The following PPFIA2 variants were observed in gnomAD, a reference collection of about 807,000 sequenced individuals.
PPFIA2 encodes the protein PPFI scaffold protein A2.
PPFIA2 carries 46 observed loss-of-function variants against 175.5 expected under a neutral mutation model. The ratio of observed to expected loss-of-function variants is 0.26; its 90% confidence interval spans 0.21 to 0.34. The LOEUF (loss-of-function observed/expected upper bound fraction) is 0.34, where lower values mean the gene tolerates loss of function less well. Ranked by LOEUF, PPFIA2 falls within the 10% of genes least tolerant of loss-of-function variation. The probability of loss-of-function intolerance (pLI) is 1.00; values close to 1 mark genes in which losing one functional copy is unlikely to be tolerated. For missense variants in PPFIA2, 1,179 were observed against 1,506.1 expected, an observed-to-expected ratio of 0.78 and a Z score of 3.60; for synonymous variants, 568 against 511.4, an observed-to-expected ratio of 1.11 and a Z score of -1.49.
intron 4 of PPFIA2, among the ~76,000 whole-genome samples, chr12:81,531,202 T>C (rs931834715): frequency 3.3e-5 from 5 of 151,900 alleles, no homozygotes; most frequent in Non-Finnish European, 7.4e-5. Context: ...TTGGCATAAA[T>C]AGTACAAAAT....
chr12:81,577,454 A>G (rs2073750754), intron 4 of PPFIA2, among the ~76,000 whole-genome samples: 1 of 151,926 alleles, frequency 6.6e-6, no homozygotes, highest in African/African-American at 2.4e-5. Flanking sequence ...TTAAACCACC[A>G]TAATAGGAAA....
intron 3 of PPFIA2, among the ~76,000 whole-genome samples, chr12:81,693,773 A>G (rs528318185): frequency 6.6e-6 from 1 of 152,258 alleles, no homozygotes; most frequent in East Asian, 1.9e-4. Flanking sequence ...GGCTGTGACT[A>G]AAATGCTAAT....
intron 24 of PPFIA2, among the ~76,000 whole-genome samples, chr12:81,288,955 T>A (rs2044176208): frequency 1.3e-5 from 2 of 151,804 alleles, no homozygotes; most frequent in Admixed American, 6.6e-5. Context: ...ACTAAAAGAA[T>A]GCTATAAAAA....
At chr12:81,662,988 G>C (rs2069244725) in intron 4 of PPFIA2, among the ~76,000 whole-genome samples, 2 of 152,172 alleles carry the variant, frequency 1.3e-5, no homozygotes, top group Admixed American at 1.3e-4. Flanking sequence ...AAAGGCCTTT[G>C]ACAAAATTCA....
intron 31 of PPFIA2, among the ~76,000 whole-genome samples, chr12:81,262,831 G>A (rs142833164): frequency 1.6e-3 from 247 of 152,208 alleles, no homozygotes; most frequent in Non-Finnish European, 1.4e-3. Flanking sequence ...TATAAAACTC[G>A]CAGTATTTAA....
chr12:81,405,157 T>C (rs969586312), intron 8 of PPFIA2, among the ~76,000 whole-genome samples: 2 of 152,142 alleles, frequency 1.3e-5, no homozygotes, highest in Non-Finnish European at 2.9e-5. Context: ...CTAGTTTCCT[T>C]TGTGTGGGAC....
chr12:81,478,245 C>T (rs1389020897), intron 4 of PPFIA2, among the ~76,000 whole-genome samples: 1 of 152,086 alleles, frequency 6.6e-6, no homozygotes, highest in African/African-American at 2.4e-5. Flanking sequence ...TCTGTGGGAT[C>T]AGTACTGATA....
At chr12:81,536,591 A>T (rs1296334056) in intron 4 of PPFIA2, among the ~76,000 whole-genome samples, 1 of 150,432 alleles carries the variant, frequency 6.6e-6, no homozygotes, top group African/African-American at 2.4e-5. Context: ...CCAAAGGGAA[A>T]CCAAAAAAAG....
At chr12:81,701,036 A>C (rs1250550498) in intron 3 of PPFIA2, among the ~76,000 whole-genome samples, 4 of 152,192 alleles carry the variant, frequency 2.6e-5, no homozygotes, top group African/African-American at 9.7e-5. Context: ...ACTTTGAATA[A>C]GTAAAGGTAT....
chr12:81,749,183 T>C (rs1256352056), intron 3 of PPFIA2, among the ~76,000 whole-genome samples: 1 of 144,426 alleles, frequency 6.9e-6, no homozygotes, highest in Non-Finnish European at 1.6e-5. Flanking sequence ...ACCAATCGTT[T>C]CTCAAAAATA....
chr12:81,394,672 G>A (rs7964238), intron 8 of PPFIA2, among the ~76,000 whole-genome samples: 24,237 of 151,702 alleles, frequency 0.16, 2,676 homozygotes, highest in East Asian at 0.42. Flanking sequence ...GGGGCAAGGG[G>A]AGGGAGAGCA....
chr12:81,741,134 G>A (rs1423003599), intron 3 of PPFIA2, among the ~76,000 whole-genome samples: 1 of 152,052 alleles, frequency 6.6e-6, no homozygotes, highest in Non-Finnish European at 1.5e-5. Context: ...TATACATTCT[G>A]ACCTCAGTGC....
At chr12:81,530,781 G>A (rs1173253912) in intron 4 of PPFIA2, among the ~76,000 whole-genome samples, 1 of 151,456 alleles carries the variant, frequency 6.6e-6, no homozygotes, top group Non-Finnish European at 1.5e-5. Flanking sequence ...TATAATATAT[G>A]TGTTTAAAAA....
At chr12:81,652,169 A>G (rs561528837) in intron 4 of PPFIA2, among the ~76,000 whole-genome samples, 4 of 150,404 alleles carry the variant, frequency 2.7e-5, no homozygotes, top group African/African-American at 9.8e-5. Flanking sequence ...GAAATTGGCT[A>G]TTTGTTTATA....
intron 28 of PPFIA2, 68 bp downstream of exon 28, chr12:81,277,249 A>C: frequency 7.6e-7 from 1 of 1,322,802 alleles, no homozygotes; most frequent in East Asian, 2.6e-5. Context: ...ATAACATTTT[A>C]GGTTAGTAAA....
chr12:81,308,530 T>A (rs2049924583), intron 22 of PPFIA2, among the ~76,000 whole-genome samples: 2 of 152,184 alleles, frequency 1.3e-5, no homozygotes, highest in South Asian at 4.1e-4. Context: ...TTAACATTTC[T>A]GAAATTTTTC....
chr12:81,749,679 T>A (rs1297628957), intron 3 of PPFIA2, among the ~76,000 whole-genome samples: 4 of 144,424 alleles, frequency 2.8e-5, no homozygotes, highest in Non-Finnish European at 4.7e-5. Context: ...ATAAAACAAA[T>A]GCAAGTAATT....
chr12:81,376,567 T>C (rs1009347268), intron 9 of PPFIA2, among the ~76,000 whole-genome samples: 1 of 152,140 alleles, frequency 6.6e-6, no homozygotes, highest in African/African-American at 2.4e-5. Context: ...CAAGTTCAAG[T>C]GGAGAAAATC....
At chr12:81,475,014 G>A (rs1026476074) in intron 4 of PPFIA2, among the ~76,000 whole-genome samples, 3 of 152,086 alleles carry the variant, frequency 2.0e-5, no homozygotes, top group Non-Finnish European at 1.5e-5. Context: ...AGATTTCTAG[G>A]TGAATTATTT....
Sources: allele counts gnomAD v4.1 joint callset (sites outside exome capture counted in the v4.1 genomes callset), GRCh38; gene constraint gnomAD v4.1.1; transcripts MANE v1.5; gene names NCBI Gene and HGNC (gene_info 2026-07-23, HGNC 2026-07-21).